Variants in NOVA1 observed in about 807,000 individuals in gnomAD.
NOVA1 encodes the protein RNA-binding protein Nova-1.
Under a neutral mutation model 38.0 loss-of-function variants are expected in NOVA1, and 7 were observed. The ratio of observed to expected loss-of-function variants is 0.18; its 90% CI spans 0.10 to 0.35. The LOEUF (loss-of-function observed/expected upper bound fraction) is 0.35, where lower values mean the gene tolerates loss of function less well. NOVA1 is among the 10% of genes least tolerant of loss of function. NOVA1 has a pLI of 1.00. For synonymous variants in NOVA1, 270 were observed against 232.5 expected (o/e 1.16, Z -1.47); for missense variants, 460 against 616.0 (o/e 0.75, Z 2.68).
intron 2 of NOVA1, among the ~76,000 whole-genome samples, chr14:26,491,173 T>C (rs1886315144): frequency 6.6e-6 from 1 of 151,912 alleles, no homozygotes; most frequent in Non-Finnish European, 1.5e-5. Context: ...TTTTTTTTAA[T>C]TAAAAAAATT....
intron 3 of NOVA1, among the ~76,000 whole-genome samples, chr14:26,476,531 A>G (rs1241936474): frequency 6.6e-6 from 1 of 152,126 alleles, no homozygotes; most frequent in Non-Finnish European, 1.5e-5. Context: ...TTCAACAAAT[A>G]TGATACCCTT....
chr14:26,519,875 A>G (rs1202525852), intron 2 of NOVA1, among the ~76,000 whole-genome samples: 1 of 152,128 alleles, frequency 6.6e-6, no homozygotes, highest in East Asian at 1.9e-4. Flanking sequence ...TGATCACAGA[A>G]AAAAGTTATG....
intron 2 of NOVA1, among the ~76,000 whole-genome samples, chr14:26,497,269 A>G (rs965744826): frequency 6.6e-6 from 1 of 152,302 alleles, no homozygotes; most frequent in East Asian, 1.9e-4. Flanking sequence ...AAGGAGAACT[A>G]CAAACCACTG....
In NOVA1 at chr14:26,521,846, A is replaced by G. The variant is rs1335745154; in HGVS notation, c.281-41703T>C. On this transcript the variant is annotated intron_variant, in intron 2 of 4. Transcript: ENST00000539517. Reference sequence around the variant, plus strand: ...TATACAAGAGAAAATAAATTTCTGCAATTTTTATATTGACAAAATTCAAAT... The same window carrying G: ...TATACAAGAGAAAATAAATTTCTGCGATTTTTATATTGACAAAATTCAAAT... Among the ~76,000 whole-genome samples, 4 of 152,090 alleles carry G rather than the reference A, an allele frequency of 2.6e-5. No individual in the cohort carries two copies. The East Asian group carries it at 5.8e-4, about 22-fold the overall frequency.
intron 2 of NOVA1, among the ~76,000 whole-genome samples, chr14:26,552,868 G>A (rs1891245344): frequency 6.6e-6 from 1 of 152,150 alleles, no homozygotes; most frequent in African/African-American, 2.4e-5. Context: ...ACTCTCTGGG[G>A]TTTTAGAATA....
rs1297018733 is a variant in NOVA1, at chr14:26,480,045, C to T, written c.379G>A (p.Val127Met). 3.7e-6 allele frequency: 6 copies of T among 1,614,054 alleles called. No individual in the cohort carries two copies. In the South Asian group the frequency reaches 5.5e-5, roughly 15 times the overall value. ...AEKIREMPQN[V>M]AKTEPVSILQ... The stretch of plus-strand genomic sequence containing the variant: ...ATGCTGACTGGTTCTGTCTTGGCCA[C>T]ATTTTGGGGCATTTCTCGAATTTTT... Residue 127 changes from valine (V) to methionine (M), a missense_variant, in exon 3 of 5, where the codon GTG becomes ATG. By Grantham distance (21) the Val-to-Met change is conservative. Transcript: ENST00000539517.
At chr14:26,466,497 T>C (rs1407764743) in intron 4 of NOVA1, among the ~76,000 whole-genome samples, 1 of 152,160 alleles carries the variant, frequency 6.6e-6, no homozygotes, top group Non-Finnish European at 1.5e-5. Context: ...TGAACACAAG[T>C]TATGTGGGGC....
chr14:26,449,554 G>A (rs867621815), intron 4 of NOVA1, among the ~76,000 whole-genome samples: 55 of 151,982 alleles, frequency 3.6e-4, no homozygotes, highest in African/African-American at 1.2e-3. Flanking sequence ...AAAATTATTA[G>A]CATTTTCATT....
intron 4 of NOVA1, among the ~76,000 whole-genome samples, chr14:26,456,486 A>C (rs1883187181): frequency 6.6e-6 from 1 of 152,070 alleles, no homozygotes; most frequent in Non-Finnish European, 1.5e-5. Flanking sequence ...TGAAAATTAA[A>C]GAATTAAGTA....
chr14:26,567,551 C>T (rs1450365066), intron 2 of NOVA1, among the ~76,000 whole-genome samples: 4 of 152,020 alleles, frequency 2.6e-5, no homozygotes, highest in Non-Finnish European at 5.9e-5. Context: ...CTGCCTCAAG[C>T]TCTCAAATTG....
chr14:26,575,187 C>T (rs1173270270), intron 2 of NOVA1, among the ~76,000 whole-genome samples: 1 of 152,056 alleles, frequency 6.6e-6, no homozygotes, highest in East Asian at 1.9e-4. Context: ...ACTGACTAAA[C>T]GTCCATTCAT....
chr14:26,509,282 T>A lies in NOVA1; in HGVS notation c.281-29139A>T, dbSNP rs1887875712. 2.0e-5 allele frequency among the ~76,000 whole-genome samples: 3 copies of A among 152,122 alleles called. No individual in the cohort carries two copies. In the South Asian group the frequency reaches 6.2e-4, roughly 31 times the overall value. ...TGTTTTAAACCAGAGTATGGAATAA[T>A]CACAGTTATATAGGATACATGGAGG... On this transcript the variant is annotated intron_variant, in intron 2 of 4. Transcript: ENST00000539517.
At chr14:26,507,015 A>C (rs2138433376) in intron 2 of NOVA1, among the ~76,000 whole-genome samples, 1 of 152,356 alleles carries the variant, frequency 6.6e-6, no homozygotes, top group South Asian at 2.1e-4. Context: ...TTTCACAGTT[A>C]AATCCAAACC....
At chr14:26,485,856 G>A (rs1394874011) in intron 2 of NOVA1, among the ~76,000 whole-genome samples, 2 of 152,020 alleles carry the variant, frequency 1.3e-5, no homozygotes, top group Non-Finnish European at 2.9e-5. Context: ...GAGTGACACT[G>A]AAACATCACA....
intron 3 of NOVA1, among the ~76,000 whole-genome samples, chr14:26,474,871 T>G (rs1234701249): frequency 2.6e-5 from 4 of 151,964 alleles, no homozygotes; most frequent in Non-Finnish European, 5.9e-5. Context: ...GCAGCTATTA[T>G]TCATATAAAT....
chr14:26,520,317 G>A (rs1274964656), intron 2 of NOVA1, among the ~76,000 whole-genome samples: 1 of 152,146 alleles, frequency 6.6e-6, no homozygotes, highest in Admixed American at 6.5e-5. Context: ...AGGCTCCCCA[G>A]GGTGGACTGG....
At chr14:26,470,127 G>A (rs1194456933) in intron 4 of NOVA1, 4 of 646,252 alleles carry the variant, frequency 6.2e-6, no homozygotes, top group Admixed American at 5.5e-5. Flanking sequence ...ATAGTTTTCT[G>A]TATTTTTTAT....
chr14:26,573,112 A>G (rs1892595247), intron 2 of NOVA1, among the ~76,000 whole-genome samples: 1 of 152,166 alleles, frequency 6.6e-6, no homozygotes, highest in Non-Finnish European at 1.5e-5. Flanking sequence ...AGAAATCCAT[A>G]AAAATGTCTG....
intron 3 of NOVA1, among the ~76,000 whole-genome samples, chr14:26,477,977 C>T (rs1271728741): frequency 6.6e-6 from 1 of 151,964 alleles, no homozygotes; most frequent in African/African-American, 2.4e-5. Context: ...AAATGATACA[C>T]TGTCACATAC....
Sources: gnomAD v4.1 joint callset for allele counts (sites outside exome capture counted in the v4.1 genomes callset) on GRCh38, gnomAD v4.1.1 for gene constraint, MANE v1.5 for transcripts, NCBI Gene and HGNC (gene_info 2026-07-23, HGNC 2026-07-21) for gene names.